The following CEP112 variants were observed in gnomAD, a reference collection of about 807,000 sequenced individuals.
CEP112 encodes centrosomal protein 112.
In CEP112, 127 loss-of-function variants were observed where a neutral mutation model predicts 153.0. That is an observed-to-expected ratio of 0.83 (90% CI 0.72 to 0.96). The LOEUF is 0.96. CEP112 is among the 40% of genes least tolerant of loss of function. The probability of loss-of-function intolerance (pLI) is 0.00; values close to 1 mark genes in which losing one functional copy is unlikely to be tolerated. For synonymous variants in CEP112, 358 were observed against 374.4 expected (o/e 0.96, Z 0.51); for missense variants, 1,089 against 1,101.2 (o/e 0.99, Z 0.16).
intron 17 of CEP112, among the ~76,000 whole-genome samples, chr17:65,983,229 C>T (rs1251105433): frequency 6.6e-6 from 1 of 152,064 alleles, no homozygotes; most frequent in African/African-American, 2.4e-5. Context: ...TAAATTTTAC[C>T]TCAATTTAAA....
chr17:66,136,046 T>C (rs531128133), intron 4 of CEP112, among the ~76,000 whole-genome samples: 1 of 152,296 alleles, frequency 6.6e-6, no homozygotes, highest in East Asian at 1.9e-4. Context: ...GAGAGGCTCC[T>C]GTACTCCAGG....
chr17:65,933,001 T>A (rs567088485), intron 18 of CEP112, among the ~76,000 whole-genome samples: 10 of 152,244 alleles, frequency 6.6e-5, no homozygotes, highest in Admixed American at 5.9e-4. Context: ...AAATTATTTT[T>A]AAAAATAGAA....
chr17:66,028,271 G>T, intron 15 of CEP112, 42 bp downstream of exon 15: 1 of 1,206,318 alleles, frequency 8.3e-7, no homozygotes, highest in Non-Finnish European at 1.2e-6. Context: ...CAAGAAAACT[G>T]TGTTTGACCA....
At chr17:65,884,586 T>TGA (rs2059202720) in intron 20 of CEP112, among the ~76,000 whole-genome samples, 1 of 152,144 alleles carries the variant, frequency 6.6e-6, no homozygotes, top group Admixed American at 6.5e-5. Context: ...TTCTAGAATA[T>TGA]GAGGTAGGCT....
At chr17:66,173,623 T>C (rs2146853749) in intron 4 of CEP112, among the ~76,000 whole-genome samples, 1 of 152,346 alleles carries the variant, frequency 6.6e-6, no homozygotes, top group South Asian at 2.1e-4. Context: ...TGATGTATTT[T>C]GCAGCTAAAC....
chr17:66,059,998 T>C (rs2066860558), intron 11 of CEP112, among the ~76,000 whole-genome samples: 1 of 151,542 alleles, frequency 6.6e-6, no homozygotes, highest in Non-Finnish European at 1.5e-5. Flanking sequence ...TTCGCAGCAA[T>C]GTGGATGCAG....
At chr17:65,841,895 T>C (rs1043094349) in intron 21 of CEP112, among the ~76,000 whole-genome samples, 20 of 134,414 alleles carry the variant, frequency 1.5e-4, no homozygotes, top group Non-Finnish European at 2.4e-4. Flanking sequence ...ACTGTGTGTG[T>C]GTGTACACAC....
At chr17:65,803,478 A>G (rs1158436669) in intron 21 of CEP112, among the ~76,000 whole-genome samples, 1 of 152,254 alleles carries the variant, frequency 6.6e-6, no homozygotes, top group African/African-American at 2.4e-5. Context: ...CTTAAAACAA[A>G]AGTATCTCAA....
At chr17:65,840,464 A>T (rs964663638) in intron 21 of CEP112, among the ~76,000 whole-genome samples, 14 of 152,146 alleles carry the variant, frequency 9.2e-5, no homozygotes, top group African/African-American at 3.1e-4. Flanking sequence ...TAGAAGAATG[A>T]AACCAGGACC....
At chr17:65,725,643 C>A (rs1370541606) in intron 23 of CEP112, among the ~76,000 whole-genome samples, 1 of 152,146 alleles carries the variant, frequency 6.6e-6, no homozygotes, top group Admixed American at 6.5e-5. Flanking sequence ...TAAAGATATA[C>A]CCAAGACTGG....
At chr17:65,841,450 G>T (rs565690163) in intron 21 of CEP112, among the ~76,000 whole-genome samples, 1 of 152,090 alleles carries the variant, frequency 6.6e-6, no homozygotes, top group Non-Finnish European at 1.5e-5. Flanking sequence ...TAAAAAAGTG[G>T]ATCTCATGCA....
At chr17:65,695,421 TTAA>T (rs1388781808) in intron 23 of CEP112, among the ~76,000 whole-genome samples, 1 of 152,224 alleles carries the variant, frequency 6.6e-6, no homozygotes, top group African/African-American at 2.4e-5. Flanking sequence ...CAATGCTATT[TTAA>T]TAATATGTAT....
intron 17 of CEP112, among the ~76,000 whole-genome samples, chr17:66,001,645 T>C (rs895909191): frequency 6.6e-6 from 1 of 152,214 alleles, no homozygotes; most frequent in Non-Finnish European, 1.5e-5. Flanking sequence ...AAATAGACTA[T>C]ACACTGTCTC....
chr17:65,855,144 G>A (rs531625392), intron 20 of CEP112, among the ~76,000 whole-genome samples: 4 of 152,092 alleles, frequency 2.6e-5, no homozygotes, highest in African/African-American at 9.7e-5. Flanking sequence ...CAGTCCTAAG[G>A]GGGTACAGCC....
chr17:65,876,367 T>A (rs1304716964), intron 20 of CEP112, among the ~76,000 whole-genome samples: 1 of 152,224 alleles, frequency 6.6e-6, no homozygotes, highest in Non-Finnish European at 1.5e-5. Context: ...GTCTGACTTG[T>A]AATTTTTCCT....
intron 17 of CEP112, among the ~76,000 whole-genome samples, chr17:65,990,865 A>T (rs2063570132): frequency 6.6e-6 from 1 of 152,222 alleles, no homozygotes; most frequent in Non-Finnish European, 1.5e-5. Flanking sequence ...TCTGGCATGG[A>T]GAAATCTGTG....
At chr17:65,746,921 T>G (rs969398804) in intron 22 of CEP112, among the ~76,000 whole-genome samples, 1 of 152,206 alleles carries the variant, frequency 6.6e-6, no homozygotes, top group African/African-American at 2.4e-5. Context: ...AATTTTCATA[T>G]GGATATTAAA....
chr17:66,176,484 TGAAA>T (rs925220605), intron 3 of CEP112, among the ~76,000 whole-genome samples: 3 of 152,068 alleles, frequency 2.0e-5, no homozygotes, highest in Non-Finnish European at 4.4e-5. Flanking sequence ...ATAATATATA[TGAAA>T]GAGTTTAAAA....
chr17:65,888,203 A>G (rs537939155), intron 20 of CEP112, among the ~76,000 whole-genome samples: 1 of 152,294 alleles, frequency 6.6e-6, no homozygotes, highest in South Asian at 2.1e-4. Context: ...GGTACGTACA[A>G]TAGCTATTTT....
Sources: gnomAD v4.1 joint callset for allele counts (sites outside exome capture counted in the v4.1 genomes callset) on GRCh38, gnomAD v4.1.1 for gene constraint, MANE v1.5 for transcripts, NCBI Gene and HGNC (gene_info 2026-07-23, HGNC 2026-07-21) for gene names.